Variants in TMEM132C observed in about 807,000 individuals in gnomAD.
TMEM132C encodes protein phosphatase 1, regulatory subunit 152.
TMEM132C carries 29 observed loss-of-function variants against 61.4 expected under a neutral mutation model. The observed-to-expected ratio is 0.47, with a 90% CI of 0.35 to 0.64. The LOEUF (loss-of-function observed/expected upper bound fraction) is 0.64. TMEM132C is among the 30% of genes least tolerant of loss of function. The pLI, the probability that TMEM132C is intolerant of heterozygous loss-of-function variation, is 0.00. For missense variants in TMEM132C, 1,408 were observed against 1,476.9 expected, an observed-to-expected ratio of 0.95 and a Z score of 0.76; for synonymous variants, 656 against 633.1, an observed-to-expected ratio of 1.04 and a Z score of -0.54.
At chr12:128,295,616 C>G (rs2630216) in intron 1 of TMEM132C, among the ~76,000 whole-genome samples, 33,600 of 143,664 alleles carry the variant, frequency 0.23, 4,405 homozygotes, top group East Asian at 0.51. Context: ...TCCAATGTTA[C>G]TGATGTGCCT....
At chr12:128,440,809 G>C (rs1869756807) in intron 2 of TMEM132C, among the ~76,000 whole-genome samples, 1 of 152,198 alleles carries the variant, frequency 6.6e-6, no homozygotes, top group South Asian at 2.1e-4. Flanking sequence ...AGCACTTTGG[G>C]AGGCTGAGGT....
At chr12:128,627,765 G>A (rs2135591997) in intron 4 of TMEM132C, among the ~76,000 whole-genome samples, 1 of 152,290 alleles carries the variant, frequency 6.6e-6, no homozygotes, top group African/African-American at 2.4e-5. Flanking sequence ...CTGCAGCTCT[G>A]CTCTGCAGTG....
At chr12:128,378,168 G>A (rs1005409074) in intron 1 of TMEM132C, among the ~76,000 whole-genome samples, 2 of 151,532 alleles carry the variant, frequency 1.3e-5, no homozygotes, top group Non-Finnish European at 2.9e-5. Flanking sequence ...AGGCTGGAGT[G>A]CAGTGGCGCA....
intron 2 of TMEM132C, among the ~76,000 whole-genome samples, chr12:128,463,381 C>T (rs529910960): frequency 1.5e-4 from 23 of 152,172 alleles, no homozygotes; most frequent in East Asian, 5.8e-4. Context: ...TGCAATGACG[C>T]GATCTCAGCT....
chr12:128,492,650 T>C (rs974217767), intron 2 of TMEM132C, among the ~76,000 whole-genome samples: 2 of 152,230 alleles, frequency 1.3e-5, no homozygotes, highest in African/African-American at 4.8e-5. Flanking sequence ...AAGTGTCTTC[T>C]TTTGAGAAGT....
intron 2 of TMEM132C, among the ~76,000 whole-genome samples, chr12:128,494,381 T>A (rs1027554951): frequency 4.6e-5 from 7 of 152,228 alleles, no homozygotes; most frequent in Admixed American, 2.0e-4. Flanking sequence ...TAGGGAGGAT[T>A]CCCTCTTTTT....
chr12:128,319,719 G>T (rs893942599), intron 1 of TMEM132C, among the ~76,000 whole-genome samples: 1 of 151,906 alleles, frequency 6.6e-6, no homozygotes, highest in African/African-American at 2.4e-5. Flanking sequence ...CCAGCTGCTC[G>T]GGAGGCTGAG....
intron 3 of TMEM132C, among the ~76,000 whole-genome samples, chr12:128,590,314 T>C (rs188076060): frequency 3.7e-4 from 56 of 152,318 alleles, no homozygotes; most frequent in Admixed American, 2.4e-3. Context: ...ACGGCAGAGC[T>C]TAACAGAGAT....
chr12:128,482,916 C>G (rs1871360576), intron 2 of TMEM132C, among the ~76,000 whole-genome samples: 2 of 151,898 alleles, frequency 1.3e-5, no homozygotes, highest in Admixed American at 6.6e-5. Context: ...TGTATGTGAA[C>G]AGGGCCTGGG....
intron 2 of TMEM132C, among the ~76,000 whole-genome samples, chr12:128,497,298 A>C (rs1871999854): frequency 6.6e-6 from 1 of 152,236 alleles, no homozygotes. Context: ...TTGAGGAGGT[A>C]GTCTGTCCAT....
chr12:128,484,317 T>A (rs750933031), intron 2 of TMEM132C, among the ~76,000 whole-genome samples: 83 of 152,050 alleles, frequency 5.5e-4, no homozygotes, highest in Admixed American at 1.6e-3. Flanking sequence ...GAATGAAACA[T>A]GGGGGAGGAA....
intron 1 of TMEM132C, among the ~76,000 whole-genome samples, chr12:128,365,321 C>T (rs529123689): frequency 2.1e-4 from 32 of 152,200 alleles, no homozygotes; most frequent in Non-Finnish European, 2.8e-4. Context: ...AGTGCTTGAA[C>T]GTCTAGCCAG....
chr12:128,586,957 C>A (rs1340753262), intron 3 of TMEM132C, among the ~76,000 whole-genome samples: 1 of 152,218 alleles, frequency 6.6e-6, no homozygotes, highest in Non-Finnish European at 1.5e-5. Flanking sequence ...GACCTGGAAA[C>A]CCTGCTTTTC....
At chr12:128,346,158 G>C (rs1873154124) in intron 1 of TMEM132C, among the ~76,000 whole-genome samples, 1 of 152,102 alleles carries the variant, frequency 6.6e-6, no homozygotes, top group African/African-American at 2.4e-5. Context: ...TATTGAATAG[G>C]GAATCCTTTC....
intron 4 of TMEM132C, among the ~76,000 whole-genome samples, chr12:128,651,526 A>G (rs560660198): frequency 8.5e-5 from 13 of 152,216 alleles, no homozygotes; most frequent in Non-Finnish European, 1.3e-4. Context: ...TTCATGCTCT[A>G]TATGTTCATT....
chr12:128,298,583 C>T (rs1448113299), intron 1 of TMEM132C, among the ~76,000 whole-genome samples: 2 of 152,172 alleles, frequency 1.3e-5, no homozygotes, highest in Admixed American at 1.3e-4. Flanking sequence ...TAATTCTTTG[C>T]CATTGCATCC....
intron 4 of TMEM132C, among the ~76,000 whole-genome samples, chr12:128,651,106 A>G (rs1465872367): frequency 1.3e-5 from 2 of 152,180 alleles, no homozygotes; most frequent in Admixed American, 6.5e-5. Context: ...AAGAAACAAA[A>G]TTTAGCCCCA....
chr12:128,533,918 A>G (rs942852647), intron 2 of TMEM132C, among the ~76,000 whole-genome samples: 1 of 151,336 alleles, frequency 6.6e-6, no homozygotes. Context: ...ACATGCATAC[A>G]CACACACATG....
At position 128,267,279 on chromosome 12, in the gene TMEM132C, G is replaced by C; in HGVS notation, c.-124G>C. The C allele has an allele frequency of 4.0e-6, 2 of 495,798 alleles. 1 individual carries two copies. The highest frequency in any genetic ancestry group is 2.0e-3 in the Middle Eastern group (2 of 986). The allele number at this position is 495,798 out of a possible 1,614,324, so 30.7% of individuals were successfully genotyped here. On this transcript the variant is annotated 5_prime_UTR_variant, in exon 1 of 9. Transcript: ENST00000435159. Reference sequence around the variant, plus strand: ...GCAGGGGCGGGCCTCGGACAGCAGAGACGCAGCGGGCCCGGCCGACCGGGC... The same window carrying C: ...GCAGGGGCGGGCCTCGGACAGCAGACACGCAGCGGGCCCGGCCGACCGGGC...
Sources: allele counts gnomAD v4.1 joint callset (sites outside exome capture counted in the v4.1 genomes callset), GRCh38; gene constraint gnomAD v4.1.1; transcripts MANE v1.5; gene names NCBI Gene and HGNC (gene_info 2026-07-23, HGNC 2026-07-21).